The following GSK3B variants were observed in gnomAD, a reference collection of about 807,000 sequenced individuals.
GSK3B encodes glycogen synthase kinase 3 beta.
A neutral mutation model predicts 56.4 loss-of-function variants in GSK3B; 15 were observed. That is an observed-to-expected ratio of 0.27 (90% confidence interval 0.18 to 0.41). The LOEUF is 0.41. Among genes scored for constraint, GSK3B ranks in the 10% least tolerant of loss-of-function variants. The pLI is 1.00. For synonymous variants in GSK3B, 181 were observed against 188.9 expected, an observed-to-expected ratio of 0.96 and a Z score of 0.34; for missense variants, 300 against 513.4, an observed-to-expected ratio of 0.58 and a Z score of 4.02.
intron 2 of GSK3B, among the ~76,000 whole-genome samples, chr3:119,969,476 A>T (rs1020251044): frequency 3.9e-5 from 6 of 152,208 alleles, no homozygotes; most frequent in Non-Finnish European, 8.8e-5. Context: ...AGCAAGTTAC[A>T]TTGCAGATAT....
chr3:120,041,227 T>A (rs908969958), intron 1 of GSK3B: 1 of 211,116 alleles, frequency 4.7e-6, no homozygotes. Context: ...GGCCAAGTGG[T>A]GCAGGGATTT....
chr3:119,954,724 T>A (rs1014071653), intron 2 of GSK3B, among the ~76,000 whole-genome samples: 5 of 152,168 alleles, frequency 3.3e-5, no homozygotes, highest in Non-Finnish European at 7.4e-5. Flanking sequence ...TATATCCACC[T>A]CTAGAGTAGA....
At chr3:119,876,021 A>G (rs1319506108) in intron 8 of GSK3B, among the ~76,000 whole-genome samples, 2 of 152,182 alleles carry the variant, frequency 1.3e-5, no homozygotes, top group African/African-American at 4.8e-5. Flanking sequence ...TATATGTTTT[A>G]ACAGTTTAAA....
At chr3:120,087,030 G>A (rs1490197637) in intron 1 of GSK3B, among the ~76,000 whole-genome samples, 1 of 152,100 alleles carries the variant, frequency 6.6e-6, no homozygotes, top group East Asian at 1.9e-4. Flanking sequence ...ACAACTATAT[G>A]TTAAATAATA....
chr3:119,893,458 T>C (rs187968282), intron 7 of GSK3B, among the ~76,000 whole-genome samples: 7 of 152,246 alleles, frequency 4.6e-5, no homozygotes, highest in Admixed American at 3.3e-4. Context: ...AGGGTTTCCT[T>C]CTAATTTCCA....
intron 4 of GSK3B, among the ~76,000 whole-genome samples, chr3:119,920,926 A>G (rs1292396295): frequency 4.6e-5 from 7 of 152,220 alleles, no homozygotes; most frequent in Admixed American, 6.5e-5. Context: ...CCCAGAAACA[A>G]TAACCAATCC....
intron 1 of GSK3B, among the ~76,000 whole-genome samples, chr3:120,003,962 G>C (rs1219734487): frequency 6.6e-6 from 1 of 152,228 alleles, no homozygotes; most frequent in East Asian, 1.9e-4. Flanking sequence ...CCTGGGAAGT[G>C]CAAAGGGTTG....
intron 7 of GSK3B, among the ~76,000 whole-genome samples, chr3:119,891,321 A>G (rs556851132): frequency 6.6e-6 from 1 of 152,188 alleles, no homozygotes; most frequent in South Asian, 2.1e-4. Context: ...CAAGTGATAG[A>G]TATGAAGAGC....
intron 1 of GSK3B, among the ~76,000 whole-genome samples, chr3:120,003,912 C>A (rs2057701001): frequency 6.6e-6 from 1 of 152,204 alleles, no homozygotes; most frequent in African/African-American, 2.4e-5. Flanking sequence ...CAGGTGCAGC[C>A]CATGGAGGGC....
intron 1 of GSK3B, among the ~76,000 whole-genome samples, chr3:120,018,760 C>T (rs2057848243): frequency 6.6e-6 from 1 of 152,162 alleles, no homozygotes; most frequent in South Asian, 2.1e-4. Context: ...AAAACTGTGT[C>T]ATTTTGCTGA....
chr3:119,994,292 TGA>T (rs1370704113), intron 2 of GSK3B, among the ~76,000 whole-genome samples: 2 of 152,144 alleles, frequency 1.3e-5, no homozygotes, highest in Admixed American at 6.5e-5. Context: ...TAAAATTAAA[TGA>T]GAGAAGGGAA....
intron 2 of GSK3B, among the ~76,000 whole-genome samples, chr3:119,977,723 T>G (rs1263657992): frequency 6.6e-6 from 1 of 152,094 alleles, no homozygotes; most frequent in African/African-American, 2.4e-5. Flanking sequence ...ATACTAATAA[T>G]TAGGTGCCTG....
intron 1 of GSK3B, among the ~76,000 whole-genome samples, chr3:120,003,723 T>G (rs1238515072): frequency 6.6e-6 from 1 of 152,246 alleles, no homozygotes. Flanking sequence ...CAAAAGCCAG[T>G]GAATGTCTGT....
intron 2 of GSK3B, among the ~76,000 whole-genome samples, chr3:119,991,400 TA>T (rs563078944): frequency 4.6e-5 from 7 of 150,948 alleles, no homozygotes; most frequent in Non-Finnish European, 1.0e-4. Flanking sequence ...GAAATTCTTT[TA>T]AAAAGCCCAG....
chr3:120,011,985 A>G (rs2107498672), intron 1 of GSK3B, among the ~76,000 whole-genome samples: 1 of 152,258 alleles, frequency 6.6e-6, no homozygotes, highest in South Asian at 2.1e-4. Context: ...TTTCCCCTTA[A>G]AAAAAGAAGA....
At chr3:120,015,475 C>T (rs1269623387) in intron 1 of GSK3B, among the ~76,000 whole-genome samples, 3 of 151,706 alleles carry the variant, frequency 2.0e-5, no homozygotes, top group African/African-American at 7.3e-5. Context: ...ATGGTGAAAC[C>T]CCATCTCTAC....
chr3:120,029,965 G>A, intron 1 of GSK3B: 1 of 494,890 alleles, frequency 2.0e-6, no homozygotes, highest in Non-Finnish European at 4.1e-6. Context: ...GCTCTGGCTT[G>A]AAAGACACCA....
chr3:119,925,220 T>C (rs182757219), intron 3 of GSK3B, among the ~76,000 whole-genome samples: 68 of 152,226 alleles, frequency 4.5e-4, no homozygotes, highest in Non-Finnish European at 9.1e-4. Flanking sequence ...TCCCAGTTAC[T>C]TGGGAGAAGG....
At chr3:120,089,394 T>C (rs144288539) in intron 1 of GSK3B, among the ~76,000 whole-genome samples, 1 of 152,316 alleles carries the variant, frequency 6.6e-6, no homozygotes, top group Non-Finnish European at 1.5e-5. Context: ...ATGAACTCTT[T>C]TCCACATTAA....
Sources: allele counts gnomAD v4.1 joint callset (sites outside exome capture counted in the v4.1 genomes callset), GRCh38; gene constraint gnomAD v4.1.1; transcripts MANE v1.5; gene names NCBI Gene and HGNC (gene_info 2026-07-23, HGNC 2026-07-21).